TEKT3: variants seen among roughly 807,000 people sequenced by gnomAD.
TEKT3 encodes the protein tektin 3.
Under a neutral mutation model 49.8 loss-of-function variants are expected in TEKT3, and 49 were observed. The observed-to-expected ratio is 0.98, with a 90% CI of 0.78 to 1.25. The LOEUF is 1.25. Ranked by LOEUF, TEKT3 falls within the 50% of genes most tolerant of loss-of-function variation. The probability of loss-of-function intolerance (pLI) is 0.00; values close to 1 mark genes in which losing one functional copy is unlikely to be tolerated. For missense variants in TEKT3, 595 were observed against 629.5 expected (o/e 0.95, Z 0.59); for synonymous variants, 225 against 237.2 (o/e 0.95, Z 0.47).
chr17:15,307,835 C>A (rs1043884275), intron 8 of TEKT3, among the ~76,000 whole-genome samples: 2 of 151,924 alleles, frequency 1.3e-5, no homozygotes, highest in Non-Finnish European at 1.5e-5. Context: ...AATGATGAAA[C>A]CCAGAAAGAA....
Position 15,312,266 on chromosome 17 carries a change from A to G in TEKT3, c.1094T>C (p.Leu365Ser). 5 of 1,614,172 alleles carry G rather than the reference A, an allele frequency of 3.1e-6. No homozygotes were observed. Among genetic ancestry groups the G allele is most frequent in the Non-Finnish European group, 4.2e-6 (5 of 1,180,020 alleles). ...CACTGGCGGTTGATTTACCTTTGCT[A>G]AGTGCGTCTGAATCTTATTCTTAGC... is the stretch of plus-strand genomic sequence containing the variant. ...ADAKNKIQTHLAKTLQEIFQT... is the reference protein window; with the variant it reads ...ADAKNKIQTHSAKTLQEIFQT... Residue 365 changes from leucine to serine, a missense_variant, in exon 7 of 9, where the codon TTA becomes TCA. Physicochemically the swap from Leu to Ser is moderately radical, Grantham distance 145 (BLOSUM62 -2). Transcript: ENST00000395930.
At chr17:15,319,944 T>C (rs1452771972) in intron 4 of TEKT3, among the ~76,000 whole-genome samples, 3 of 152,348 alleles carry the variant, frequency 2.0e-5, no homozygotes, top group Non-Finnish European at 2.9e-5. Context: ...CTTTGGGACA[T>C]TTTAAACTTG....
At chr17:15,306,379 A>G (rs1185537402) in intron 8 of TEKT3, among the ~76,000 whole-genome samples, 1 of 152,184 alleles carries the variant, frequency 6.6e-6, no homozygotes, top group Non-Finnish European at 1.5e-5. Context: ...TAAAAAGGAA[A>G]GTAATCCCCT....
chr17:15,316,572 A>G (rs535767065), intron 5 of TEKT3, among the ~76,000 whole-genome samples: 20 of 152,298 alleles, frequency 1.3e-4, no homozygotes, highest in African/African-American at 4.8e-4. Context: ...ACAGTGCAAT[A>G]TATCAATGAA....
At chr17:15,340,488 G>C (rs1483503881) in intron 1 of TEKT3, 1 of 152,120 alleles carries the variant, frequency 6.6e-6, no homozygotes, top group Non-Finnish European at 1.5e-5. Flanking sequence ...CGGAGGTTCC[G>C]GTGAGCTGAG....
chr17:15,339,279 C>G (rs1912129028), intron 2 of TEKT3, among the ~76,000 whole-genome samples: 1 of 152,164 alleles, frequency 6.6e-6, no homozygotes, highest in African/African-American at 2.4e-5. Flanking sequence ...TCCTAGCCTC[C>G]AGAACTGTGA....
At chr17:15,333,815 A>G (rs1450368182) in intron 2 of TEKT3, among the ~76,000 whole-genome samples, 1 of 151,690 alleles carries the variant, frequency 6.6e-6, no homozygotes, top group African/African-American at 2.4e-5. Flanking sequence ...GCTCCAGTGC[A>G]GTGGCATGAT....
rs1185822734 is a variant in TEKT3 at position 15,340,023 on chromosome 17, A to C, written c.-30+5T>G. On this transcript the variant is annotated splice_donor_5th_base_variant and intron_variant, in intron 2 of 8. Coordinates refer to ENST00000395930, the MANE Select transcript of TEKT3 (RefSeq NM_031898.3). ...GTATCCAGTAAAGTTGAAATGGCAA[A>C]TTACCTGTGACTCAGCAATTCAATT... The C allele has an allele frequency of 6.6e-6, 1 of 152,204 alleles. No individual in the cohort carries two copies. The highest frequency in any genetic ancestry group is 1.5e-5 in the Non-Finnish European group (1 of 68,032). The allele number at this position is 152,204 out of a possible 1,614,324, so 9.4% of individuals were successfully genotyped here. A position where few individuals can be genotyped will look rare whatever the true frequency, so the allele number is the denominator to read the frequency against.
chr17:15,325,470 C>T (rs1437382619), intron 4 of TEKT3, among the ~76,000 whole-genome samples: 1 of 152,052 alleles, frequency 6.6e-6, no homozygotes, highest in East Asian at 1.9e-4. Flanking sequence ...GTTCTTTACT[C>T]TGCCTAGTCA....
In TEKT3 at chr17:15,308,683, G is replaced by C; in HGVS notation, c.1237C>G (p.Arg413Gly). The C allele has an allele frequency of 6.2e-7, 1 of 1,609,576 alleles. No individual in the cohort carries two copies. The change falls in exon 8 of 9, where the codon CGA (arginine) becomes GGA (glycine). Residue 413 changes from arginine to glycine, a missense_variant. Coordinates refer to ENST00000395930, the MANE Select transcript of TEKT3 (RefSeq NM_031898.3). ...RTRRPNIELC[R>G]DMAQLRLVNE... is the part of the protein sequence containing the mutation. ...CCTTACCGTAGCTGAGCCATGTCTC[G>C]GCACAACTCAATGTTCGGCCGTCTT...
chr17:15,342,525 G>T (rs1912266719), upstream of TEKT3, among the ~76,000 whole-genome samples: 1 of 152,206 alleles, frequency 6.6e-6, no homozygotes. Context: ...AAGGCAGGCT[G>T]CCCAGCCCCT....
At chr17:15,330,231 T>A (rs766163908) in intron 3 of TEKT3, among the ~76,000 whole-genome samples, 1 of 152,224 alleles carries the variant, frequency 6.6e-6, no homozygotes, top group South Asian at 2.1e-4. Flanking sequence ...GGTTTTGGTC[T>A]CAAATATTGT....
At chr17:15,311,439 G>C (rs78578792) in intron 7 of TEKT3, 1 of 152,172 alleles carries the variant, frequency 6.6e-6, no homozygotes, top group African/African-American at 2.4e-5. Context: ...TTCATGAAAC[G>C]TTACATAGGT....
intron 2 of TEKT3, among the ~76,000 whole-genome samples, chr17:15,339,596 TA>T (rs1490897080): frequency 6.6e-6 from 1 of 152,228 alleles, no homozygotes; most frequent in East Asian, 1.9e-4. Flanking sequence ...AACATTTTAT[TA>T]GCATATTTAA....
chr17:15,330,825 A>G (rs1454824737), intron 3 of TEKT3, among the ~76,000 whole-genome samples, 182 bp downstream of exon 3: 1 of 152,100 alleles, frequency 6.6e-6, no homozygotes, highest in Non-Finnish European at 1.5e-5. Flanking sequence ...TAAAGTATAT[A>G]ATGCATTTAA....
At chr17:15,330,821 A>G (rs230904) in intron 3 of TEKT3, among the ~76,000 whole-genome samples, 186 bp downstream of exon 3, 14,910 of 152,162 alleles carry the variant, frequency 0.098, 864 homozygotes, top group East Asian at 0.22. Context: ...TTCTTAAAGT[A>G]TATAATGCAT....
chr17:15,322,966 A>G (rs898454200), intron 4 of TEKT3, among the ~76,000 whole-genome samples: 2 of 152,202 alleles, frequency 1.3e-5, no homozygotes, highest in African/African-American at 4.8e-5. Context: ...TTCAGCCAAG[A>G]TGACCCATCA....
At chr17:15,341,407 G>A (rs1761512970) in intron 1 of TEKT3, 111 bp downstream of exon 1, 1 of 147,462 alleles carries the variant, frequency 6.8e-6, no homozygotes, top group African/African-American at 2.5e-5. Flanking sequence ...GGAATTGCAG[G>A]GTGTCCGCGA....
chr17:15,314,335 A>C, intron 5 of TEKT3, 105 bp from the exon 6 acceptor site: 16 of 1,448,314 alleles, frequency 1.1e-5, no homozygotes, highest in Non-Finnish European at 1.4e-5. Flanking sequence ...TGTTGCTCTC[A>C]CCATCTCTCC....
Sources: gnomAD v4.1 joint callset for allele counts (sites outside exome capture counted in the v4.1 genomes callset) on GRCh38, gnomAD v4.1.1 for gene constraint, MANE v1.5 for transcripts, NCBI Gene and HGNC (gene_info 2026-07-23, HGNC 2026-07-21) for gene names.